MAGI2: variants seen among roughly 807,000 people sequenced by gnomAD.
The protein encoded by MAGI2 is membrane-associated guanylate kinase, WW and PDZ domain-containing protein 2.
MAGI2 carries 35 observed loss-of-function variants against 133.3 expected under a neutral mutation model. The observed-to-expected ratio is 0.26, with a 90% CI of 0.20 to 0.35. The LOEUF (loss-of-function observed/expected upper bound fraction) is 0.35, where lower values mean the gene tolerates loss of function less well. Among genes scored for constraint, MAGI2 ranks in the 10% least tolerant of loss-of-function variants. The pLI is 1.00. For synonymous variants in MAGI2, 729 were observed against 710.6 expected (o/e 1.03, Z -0.41); for missense variants, 1,636 against 1,863.4 (o/e 0.88, Z 2.25).
At chr7:78,052,106 A>G (rs909264318) in intron 21 of MAGI2, among the ~76,000 whole-genome samples, 9 of 152,026 alleles carry the variant, frequency 5.9e-5, no homozygotes, top group Non-Finnish European at 1.3e-4. Flanking sequence ...CCGGAGCTTC[A>G]GCGATCCACT....
Position 79,171,251 on chromosome 7 carries a change from C to A in MAGI2, c.302-164045G>T, listed in dbSNP as rs144508364. On this transcript the variant is annotated intron_variant, in intron 1 of 21. Transcript: ENST00000354212. ...TCCAAGACCTTCTCTTAGCTTCTGG[C>A]GTTTCTTTGGCTTACAGCAACATAA... 2.3e-3 allele frequency among the ~76,000 whole-genome samples: 348 copies of A among 152,146 alleles called. 1 individual carries two copies. The highest frequency in any genetic ancestry group is 7.7e-3 in the African/African-American group (319 of 41,528).
At chr7:78,528,105 AT>A (rs1797141067) in intron 3 of MAGI2, among the ~76,000 whole-genome samples, 1 of 152,246 alleles carries the variant, frequency 6.6e-6, no homozygotes, top group South Asian at 2.1e-4. Flanking sequence ...CATCAATGGT[AT>A]TCCCAGAGAG....
intron 9 of MAGI2, among the ~76,000 whole-genome samples, chr7:78,288,581 A>G (rs1404097481): frequency 6.6e-6 from 1 of 152,018 alleles, no homozygotes; most frequent in African/African-American, 2.4e-5. Flanking sequence ...TGCATTTCCA[A>G]CTGAGCTTTG....
intron 3 of MAGI2, among the ~76,000 whole-genome samples, chr7:78,524,588 CG>C (rs1421728877): frequency 6.6e-6 from 1 of 152,112 alleles, no homozygotes; most frequent in African/African-American, 2.4e-5. Flanking sequence ...CTTTTACAGT[CG>C]GCAAAGTGGA....
intron 10 of MAGI2, among the ~76,000 whole-genome samples, chr7:78,245,728 C>T (rs1015395854): frequency 6.6e-6 from 1 of 151,896 alleles, no homozygotes; most frequent in African/African-American, 2.4e-5. Context: ...CCTTGGACAC[C>T]TGCAGTCCTC....
At chr7:78,401,437 TCTCCCTCTGTCTC>T (rs1207737048) in intron 6 of MAGI2, among the ~76,000 whole-genome samples, 3 of 113,246 alleles carry the variant, frequency 2.6e-5, no homozygotes, top group Non-Finnish European at 5.3e-5. Flanking sequence ...TGAATTCTTC[TCTCCCTCTGTCTC>T]CTCTCTCTGT....
rs181379773 is a variant in MAGI2, at chr7:78,820,617, T to C, written c.418+186473A>G. On this transcript the variant is annotated intron_variant, in intron 2 of 21. Transcript: ENST00000354212. ...AACTAATGGAAATGTAAAATTGAAG[T>C]TTGACTCAAATGAATAAAACAAAGA... 2.2e-3 allele frequency among the ~76,000 whole-genome samples: 341 copies of C among 151,972 alleles called. 1 individual carries two copies. Among genetic ancestry groups the C allele is most frequent in the African/African-American group, 8.0e-3 (333 of 41,542 alleles).
At chr7:78,353,846 G>A (rs1791781881) in intron 7 of MAGI2, among the ~76,000 whole-genome samples, 1 of 152,144 alleles carries the variant, frequency 6.6e-6, no homozygotes, top group Admixed American at 6.5e-5. Flanking sequence ...GCGTAGGGGA[G>A]CGGATGGAAG....
chr7:78,840,133 T>C (rs913093579), intron 2 of MAGI2, among the ~76,000 whole-genome samples: 2 of 152,212 alleles, frequency 1.3e-5, no homozygotes, highest in Admixed American at 1.3e-4. Flanking sequence ...GTATACATTA[T>C]CAATTCAACA....
At chr7:78,907,357 A>G (rs1373091206) in intron 2 of MAGI2, among the ~76,000 whole-genome samples, 1 of 152,196 alleles carries the variant, frequency 6.6e-6, no homozygotes, top group Non-Finnish European at 1.5e-5. Context: ...AATGCTTGAT[A>G]AAGATTATCA....
intron 2 of MAGI2, among the ~76,000 whole-genome samples, chr7:78,768,082 T>C (rs547496725): frequency 6.6e-6 from 1 of 152,362 alleles, no homozygotes; most frequent in Admixed American, 6.5e-5. Context: ...TGTGATTCTT[T>C]TATATGTACA....
intron 10 of MAGI2, among the ~76,000 whole-genome samples, chr7:78,210,345 G>C (rs537735535): frequency 6.6e-6 from 1 of 152,140 alleles, no homozygotes; most frequent in African/African-American, 2.4e-5. Flanking sequence ...AAAGATACTC[G>C]GGAGAACTGA....
chr7:78,344,062 A>C, intron 8 of MAGI2, 102 bp from the exon 9 acceptor site: 1 of 997,716 alleles, frequency 1.0e-6, no homozygotes. Flanking sequence ...CCAGGGGTAA[A>C]TGTGGGGGGT....
chr7:78,163,898 C>T (rs1017223327), intron 15 of MAGI2, among the ~76,000 whole-genome samples: 4 of 109,022 alleles, frequency 3.7e-5, no homozygotes, highest in Admixed American at 3.0e-4. Flanking sequence ...CAGAGCAAGA[C>T]TCCGTCTCAA....
At chr7:78,262,104 T>C (rs1219107639) in intron 9 of MAGI2, among the ~76,000 whole-genome samples, 4 of 152,134 alleles carry the variant, frequency 2.6e-5, no homozygotes, top group Admixed American at 2.6e-4. Flanking sequence ...CAGCCATCAA[T>C]TGGAGAAGAA....
chr7:78,029,740 T>A (rs897268650), intron 21 of MAGI2, among the ~76,000 whole-genome samples: 1 of 152,208 alleles, frequency 6.6e-6, no homozygotes, highest in Admixed American at 6.5e-5. Flanking sequence ...AAAGTCCCCA[T>A]TGAAGTGCAG....
chr7:78,941,742 ACACACACAC>A (rs1563688608), intron 2 of MAGI2, among the ~76,000 whole-genome samples: 3 of 149,022 alleles, frequency 2.0e-5, no homozygotes, highest in African/African-American at 5.1e-5. Flanking sequence ...ACACACACAC[ACACACACAC>A]ACACACACAC....
chr7:79,255,497 T>C (rs375681344), intron 1 of MAGI2, among the ~76,000 whole-genome samples: 41 of 152,288 alleles, frequency 2.7e-4, no homozygotes, highest in African/African-American at 9.4e-4. Context: ...GTAAAAAGAA[T>C]ATGAAAATAT....
At chr7:78,440,362 T>C (rs1160274292) in intron 6 of MAGI2, among the ~76,000 whole-genome samples, 3 of 152,148 alleles carry the variant, frequency 2.0e-5, no homozygotes, top group Non-Finnish European at 4.4e-5. Context: ...TCGGGCAATC[T>C]GACATACACC....
Sources: allele counts gnomAD v4.1 joint callset (sites outside exome capture counted in the v4.1 genomes callset), GRCh38; gene constraint gnomAD v4.1.1; transcripts MANE v1.5; gene names NCBI Gene and HGNC (gene_info 2026-07-23, HGNC 2026-07-21).